The following PMPCA variants were observed in gnomAD, a reference collection of about 807,000 sequenced individuals.
PMPCA encodes mitochondrial-processing peptidase subunit alpha.
In PMPCA, 47 loss-of-function variants were observed where a neutral mutation model predicts 59.3. The observed-to-expected ratio is 0.79, with a 90% CI of 0.63 to 1.01. PMPCA has a LOEUF of 1.01. PMPCA is among the 50% of genes least tolerant of loss of function. The pLI, the probability that PMPCA is intolerant of heterozygous loss-of-function variation, is 0.00. For missense variants in PMPCA, 726 were observed against 704.5 expected, an observed-to-expected ratio of 1.03 and a Z score of -0.34; for synonymous variants, 338 against 290.3, an observed-to-expected ratio of 1.16 and a Z score of -1.67.
chr9:136,417,454 C>G (rs1204785523), intron 7 of PMPCA, among the ~76,000 whole-genome samples: 1 of 151,038 alleles, frequency 6.6e-6, no homozygotes, highest in Non-Finnish European at 1.5e-5. Context: ...GGGAGTGGGT[C>G]TGCCACTGCG....
intron 8 of PMPCA, among the ~76,000 whole-genome samples, 175 bp downstream of exon 8, chr9:136,418,284 A>G (rs1835340754): frequency 6.6e-6 from 1 of 151,488 alleles, no homozygotes; most frequent in Non-Finnish European, 1.5e-5. Flanking sequence ...TGGGCGACTC[A>G]GCCAGCTCTG....
chr9:136,423,043 A>G, intron 12 of PMPCA, 52 bp from the exon 13 acceptor site: 20 of 1,550,844 alleles, frequency 1.3e-5, no homozygotes, highest in Non-Finnish European at 1.7e-5. Context: ...ATGCAGCCTC[A>G]GCGTGGGGGC....
intron 11 of PMPCA, among the ~76,000 whole-genome samples, chr9:136,421,371 G>GC: frequency 6.6e-6 from 1 of 151,188 alleles, no homozygotes; most frequent in South Asian, 2.1e-4. Context: ...GGGGAGACCA[G>GC]CAGGGTTGCC....
At chr9:136,422,204 G>C (rs1835475933) in intron 12 of PMPCA, 9 of 1,493,784 alleles carry the variant, frequency 6.0e-6, no homozygotes, top group Non-Finnish European at 8.1e-6. Context: ...TCCTTGGCAG[G>C]TGACCCCACC....
chr9:136,417,219 A>G lies in PMPCA; in HGVS notation c.897+5A>G, dbSNP rs1447862248. ...TACACTGGGGGGATTGCCAAGGTGA[A>G]GTAGCGGGAACGTCTCATGGCCTCG... On this transcript the variant is annotated splice_donor_5th_base_variant and intron_variant, in intron 7 of 12. Coordinates refer to ENST00000371717, the MANE Select transcript of PMPCA (RefSeq NM_015160.3). 6 of 1,564,876 alleles carry G rather than the reference A, an allele frequency of 3.8e-6. No homozygotes were observed. Among genetic ancestry groups the G allele is most frequent in the Admixed American group, 1.8e-5 (1 of 55,974 alleles).
chr9:136,417,062 G>T lies in PMPCA; in HGVS notation c.745G>T (p.Asp249Tyr). 6.2e-7 allele frequency: 1 copy of T among 1,613,948 alleles called. No individual in the cohort carries two copies. The highest frequency in any genetic ancestry group is 8.5e-7 in the Non-Finnish European group (1 of 1,180,014). The change falls in exon 7 of 13, where the codon GAC becomes TAC. Residue 249 changes from aspartate to tyrosine, a missense_variant. Physicochemically the swap from Asp to Tyr is radical, Grantham distance 160. Coordinates refer to ENST00000371717, the MANE Select transcript of PMPCA (RefSeq NM_015160.3). ...CTACCTGAGGAACTACTACACTCCC[G>T]ACCGCATGGTGCTGGCCGGCGTGGG... ...HSYLRNYYTP[D>Y]RMVLAGVGVE...
Position 136,423,555 on chromosome 9 carries a change from C to T in PMPCA, c.*291C>T, listed in dbSNP as rs530745125. 1 of 360,442 alleles carries T rather than the reference C, an allele frequency of 2.8e-6. No individual in the cohort carries two copies. The highest frequency in any genetic ancestry group is 2.0e-5 in the African/African-American group (1 of 48,962). 22.3% of individuals were successfully genotyped at this position (360,442 alleles called of 1,614,324 possible). On this transcript the variant is annotated 3_prime_UTR_variant, in exon 13 of 13. Coordinates refer to ENST00000371717, the MANE Select transcript of PMPCA (RefSeq NM_015160.3). Reference sequence around the variant, plus strand: ...TGCTTCCCTCCTCGGGCTGTGGGCACATGGGGCCCCGCAGGTTCCTTGGAG... The same window carrying T: ...TGCTTCCCTCCTCGGGCTGTGGGCATATGGGGCCCCGCAGGTTCCTTGGAG...
intron 7 of PMPCA, among the ~76,000 whole-genome samples, chr9:136,417,805 G>A (rs1279712893): frequency 6.6e-6 from 1 of 151,404 alleles, no homozygotes; most frequent in Non-Finnish European, 1.5e-5. Flanking sequence ...TAGAGGTGGA[G>A]TTTTGCCACA....
At chr9:136,418,438 C>A in intron 8 of PMPCA, 117 bp from the exon 9 acceptor site, 1 of 731,144 alleles carries the variant, frequency 1.4e-6, no homozygotes. Context: ...TGGCGTCCAG[C>A]GGCGCTCCTG....
rs534750502 is a variant in PMPCA, at chr9:136,419,047, C to T, written c.1204C>T (p.Arg402Ter). ...ATCGTCTTGCCCTTCTTCGCAGGTT[C>T]GAGAAATGGTAGAAATCATCACAAA... ...IHASADPRQVREMVEIITKEF... is the reference protein window; with the variant it reads ...IHASADPRQV The change falls in exon 11 of 13, where the codon CGA becomes TGA. Residue 402 changes from arginine (R) to a stop codon, truncating the protein, a stop_gained. Coordinates refer to ENST00000371717, the MANE Select transcript of PMPCA (RefSeq NM_015160.3). LOFTEE classifies it high-confidence loss of function. The T allele has an allele frequency of 2.5e-6, 4 of 1,613,792 alleles. No homozygotes were observed. The highest frequency in any genetic ancestry group is 1.1e-5 in the South Asian group (1 of 91,072).
chr9:136,416,147 A>C (rs1194907873), intron 5 of PMPCA, 144 bp from the exon 6 acceptor site: 13 of 649,878 alleles, frequency 2.0e-5, no homozygotes, highest in Non-Finnish European at 2.7e-5. Flanking sequence ...ACAAGCACCC[A>C]GTCTGCCCCT....
chr9:136,419,511 G>C (rs1835387139), intron 11 of PMPCA: 2 of 321,478 alleles, frequency 6.2e-6, no homozygotes, highest in South Asian at 6.8e-5. Flanking sequence ...TCGCACAGGT[G>C]GGCTGCAGCG....
chr9:136,422,834 A>C, intron 12 of PMPCA: 1 of 1,275,418 alleles, frequency 7.8e-7, no homozygotes, highest in Non-Finnish European at 1.0e-6. Flanking sequence ...GCTCTTCTGT[A>C]AGTGTAACTC....
chr9:136,423,310 C>T lies in PMPCA; in HGVS notation c.*46C>T, dbSNP rs766759020. 5.1e-5 allele frequency: 79 copies of T among 1,563,238 alleles called. No homozygotes were observed. Among genetic ancestry groups the T allele is most frequent in the Admixed American group, 1.6e-4 (9 of 55,460 alleles). On this transcript the variant is annotated 3_prime_UTR_variant, in exon 13 of 13. Transcript: ENST00000371717. ...GACCCAGGGAGCTGCAGCTGGAGCC[C>T]GTTCCCGTGCGTGTTAGTTTGGACA...
At chr9:136,417,239 G>A (rs1444118085) in intron 7 of PMPCA, 25 bp downstream of exon 7, 1 of 1,539,558 alleles carries the variant, frequency 6.5e-7, no homozygotes, top group East Asian at 2.3e-5. Flanking sequence ...ACGTCTCATG[G>A]CCTCGGGTGG....
chr9:136,415,406 G>A (rs973598471), intron 5 of PMPCA, among the ~76,000 whole-genome samples: 2 of 152,232 alleles, frequency 1.3e-5, no homozygotes, highest in African/African-American at 4.8e-5. Context: ...GTGGAATGGT[G>A]TGTGCCAGAA....
rs780878329 is a variant in PMPCA at position 136,410,688 on chromosome 9, C to CGGCGACGCGGTTGCTGCG, written c.23_40dup (p.Ala8_Arg13dup). 1 of 1,414,294 alleles carries CGGCGACGCGGTTGCTGCG rather than the reference C, an allele frequency of 7.1e-7. No individual in the cohort carries two copies. The highest frequency in any genetic ancestry group is 3.0e-5 in the Admixed American group (1 of 33,196). 87.6% of individuals were successfully genotyped at this position (1,414,294 alleles called of 1,614,324 possible). ...CGCAAGATGGCGGCTGTGGTGCTGG[C>CGGCGACGCGGTTGCTGCG]GGCGACGCGGTTGCTGCGGGGCTCG... On this transcript the variant is annotated inframe_insertion, in exon 1 of 13. Coordinates refer to ENST00000371717, the MANE Select transcript of PMPCA (RefSeq NM_015160.3).
chr9:136,412,262 CTGTT>C, intron 2 of PMPCA, 63 bp downstream of exon 2: 1 of 1,180,980 alleles, frequency 8.5e-7, no homozygotes, highest in Admixed American at 1.7e-5. Context: ...CTTTAGTTGA[CTGTT>C]AGTTGTAATT....
At chr9:136,422,126 G>A (rs772575808) in intron 12 of PMPCA, 150 bp downstream of exon 12, 13 of 1,544,196 alleles carry the variant, frequency 8.4e-6, no homozygotes, top group African/African-American at 4.1e-5. Context: ...CAGCAGGGGC[G>A]GCCAAGGGCA....
Sources: allele counts gnomAD v4.1 joint callset (sites outside exome capture counted in the v4.1 genomes callset), GRCh38; gene constraint gnomAD v4.1.1; transcripts MANE v1.5; gene names NCBI Gene and HGNC (gene_info 2026-07-23, HGNC 2026-07-21).